Variants in DTL observed in about 807,000 individuals in gnomAD.
The protein encoded by DTL is denticleless E3 ubiquitin protein ligase adapter, also known as denticleless protein homolog.
In DTL, 46 loss-of-function variants were observed where a neutral mutation model predicts 87.0. That is an observed-to-expected ratio of 0.53 (90% CI 0.42 to 0.68). DTL has a LOEUF of 0.68. Among genes scored for constraint, DTL ranks in the 30% least tolerant of loss-of-function variants. The pLI is 0.00. For synonymous variants in DTL, 308 were observed against 311.2 expected, an observed-to-expected ratio of 0.99 and a Z score of 0.11; for missense variants, 737 against 869.4, an observed-to-expected ratio of 0.85 and a Z score of 1.91.
rs1410871232 is a variant in DTL at position 212,100,243 on chromosome 1, C to G, written c.1262-9C>G. ...CTTCTGATCTTCATGATCCTCTCCTCTTTTTCAGTAACAGTAACGAGTAGC... is the reference window on the plus strand; with the variant it reads ...CTTCTGATCTTCATGATCCTCTCCTGTTTTTCAGTAACAGTAACGAGTAGC... On this transcript the variant is annotated splice_polypyrimidine_tract_variant and intron_variant, in intron 13 of 14. Coordinates refer to ENST00000366991, the MANE Select transcript of DTL (RefSeq NM_016448.4). 1 of 1,522,260 alleles carries G rather than the reference C, an allele frequency of 6.6e-7. No individual in the cohort carries two copies. Among genetic ancestry groups the G allele is most frequent in the East Asian group, 2.3e-5 (1 of 44,224 alleles). The allele number at this position is 1,522,260 out of a possible 1,614,324, so 94.3% of individuals were successfully genotyped here.
At chr1:212,055,992 T>A (rs994309123) in intron 5 of DTL, among the ~76,000 whole-genome samples, 8 of 152,200 alleles carry the variant, frequency 5.3e-5, no homozygotes. Context: ...CCTGCAAGTC[T>A]AGGGACTGGC....
intron 5 of DTL, among the ~76,000 whole-genome samples, chr1:212,053,414 A>G (rs1310618949): frequency 6.6e-6 from 1 of 152,072 alleles, no homozygotes; most frequent in Admixed American, 6.5e-5. Flanking sequence ...GTTGGTCTTG[A>G]ACTTCTGGGC....
intron 13 of DTL, among the ~76,000 whole-genome samples, chr1:212,089,238 A>T (rs770218011): frequency 1.3e-5 from 2 of 152,236 alleles, no homozygotes; most frequent in African/African-American, 2.4e-5. Context: ...GAGTTAGTCC[A>T]CTTAAGTAGA....
At position 212,100,571 on chromosome 1, in the gene DTL, G is replaced by C; in HGVS notation, c.1581G>C (p.Pro527=). Residue 527 remains proline (P), a synonymous_variant, in exon 14 of 15, where the codon CCG becomes CCC. Coordinates refer to ENST00000366991, the MANE Select transcript of DTL (RefSeq NM_016448.4). ...PPASETKIMS[P]RKALIPVSQK... ...CTTCGGAGACCAAGATCATGTCTCC[G>C]AGAAAAGCCCTTATTCCTGTGAGCC... 1 of 1,614,010 alleles carries C rather than the reference G, an allele frequency of 6.2e-7. No individual in the cohort carries two copies. The highest frequency in any genetic ancestry group is 8.5e-7 in the Non-Finnish European group (1 of 1,179,998).
rs1654491244 is a variant in DTL, at chr1:212,066,134, T to C, written c.640-678T>C. Among the ~76,000 whole-genome samples the C allele has an allele frequency of 2.0e-5, 3 of 152,312 alleles. No individual in the cohort carries two copies. The South Asian group carries it at 6.2e-4, about 32-fold the overall frequency. On this transcript the variant is annotated intron_variant, in intron 7 of 14. Transcript: ENST00000366991. ...CTTTTTCTTTAAAAAATTGCCCTTT[T>C]TCTCACTTTAATGTAATTTTTTTTT...
chr1:212,057,951 G>A (rs1414017830), intron 5 of DTL, among the ~76,000 whole-genome samples: 1 of 152,108 alleles, frequency 6.6e-6, no homozygotes, highest in Non-Finnish European at 1.5e-5. Flanking sequence ...AGATAAAACA[G>A]ACTTTATGTC....
intron 1 of DTL, among the ~76,000 whole-genome samples, chr1:212,042,774 C>T (rs1354903769): frequency 6.6e-6 from 1 of 152,108 alleles, no homozygotes; most frequent in African/African-American, 2.4e-5. Context: ...ATAGTAAGCC[C>T]AAAGCTATAC....
intron 5 of DTL, among the ~76,000 whole-genome samples, chr1:212,051,329 A>C (rs115898070): frequency 8.7e-4 from 132 of 150,996 alleles, no homozygotes; most frequent in Non-Finnish European, 1.3e-3. Context: ...AACGTATTTA[A>C]CTTTTCTTAT....
At chr1:212,078,070 G>T in intron 11 of DTL, 103 bp from the exon 12 acceptor site, 1 of 620,152 alleles carries the variant, frequency 1.6e-6, no homozygotes, top group South Asian at 2.4e-5. Context: ...GTGGCCTTTG[G>T]TAACAATCCT....
intron 13 of DTL, among the ~76,000 whole-genome samples, chr1:212,091,198 A>T (rs1483713441): frequency 6.6e-6 from 1 of 152,242 alleles, no homozygotes; most frequent in African/African-American, 2.4e-5. Flanking sequence ...GGTATATGAA[A>T]AACTGCTCAG....
chr1:212,045,564 A>G (rs1338520009), intron 3 of DTL, among the ~76,000 whole-genome samples: 2 of 152,244 alleles, frequency 1.3e-5, no homozygotes, highest in Non-Finnish European at 2.9e-5. Context: ...AACAAAGACT[A>G]TAAATGATGT....
intron 11 of DTL, among the ~76,000 whole-genome samples, chr1:212,077,424 C>A (rs542915867): frequency 6.6e-6 from 1 of 152,082 alleles, no homozygotes; most frequent in Non-Finnish European, 1.5e-5. Context: ...TATTAAAATG[C>A]GAGTGACACT....
chr1:212,040,319 A>G (rs1667597773), intron 1 of DTL, among the ~76,000 whole-genome samples: 1 of 152,254 alleles, frequency 6.6e-6, no homozygotes, highest in Admixed American at 6.5e-5. Flanking sequence ...TACATGGCAT[A>G]TGACTGTATA....
chr1:212,083,670 T>C (rs1218613515), intron 13 of DTL, among the ~76,000 whole-genome samples: 1 of 152,138 alleles, frequency 6.6e-6, no homozygotes, highest in Non-Finnish European at 1.5e-5. Context: ...GGAAAGATCA[T>C]GTACATAGAT....
rs367714703 is a variant in DTL at position 212,097,056 on chromosome 1, TTCTC to T, written c.1262-3193_1262-3190del. 4.8e-3 allele frequency among the ~76,000 whole-genome samples: 731 copies of T among 152,344 alleles called. 7 individuals are homozygous for T. Among genetic ancestry groups the T allele is most frequent in the African/African-American group, 0.017 (695 of 41,582 alleles). On this transcript the variant is annotated intron_variant, in intron 13 of 14. Transcript: ENST00000366991. Reference sequence around the variant, plus strand: ...ACTATGCTGGCTTGGTAGTGGCAAATTCTCTCAGCGTTTGAAAAAGACTTTCATC... The same window carrying T: ...ACTATGCTGGCTTGGTAGTGGCAAATTCAGCGTTTGAAAAAGACTTTCATC...
intron 1 of DTL, among the ~76,000 whole-genome samples, chr1:212,042,100 G>T (rs1052166839): frequency 6.6e-6 from 1 of 152,164 alleles, no homozygotes; most frequent in African/African-American, 2.4e-5. Flanking sequence ...TGTAAACTCA[G>T]TGTTTCCTCC....
At chr1:212,051,424 T>C in intron 5 of DTL, 1 of 480,862 alleles carries the variant, frequency 2.1e-6, no homozygotes, top group Non-Finnish European at 3.6e-6. Flanking sequence ...GAAGGACATT[T>C]TTGTTGGATA....
intron 1 of DTL, 64 bp from the exon 2 acceptor site, chr1:212,042,929 A>G: frequency 2.0e-6 from 3 of 1,476,516 alleles, no homozygotes; most frequent in Non-Finnish European, 1.8e-6. Flanking sequence ...TTACCTCTGA[A>G]TTTGTTAAAA....
intron 1 of DTL, among the ~76,000 whole-genome samples, chr1:212,037,644 T>C (rs1402709994): frequency 6.6e-6 from 1 of 152,256 alleles, no homozygotes; most frequent in East Asian, 1.9e-4. Context: ...AAAGTACTTT[T>C]AATATTAAAT....
Sources: gnomAD v4.1 joint callset for allele counts (sites outside exome capture counted in the v4.1 genomes callset) on GRCh38, gnomAD v4.1.1 for gene constraint, MANE v1.5 for transcripts, NCBI Gene and HGNC (gene_info 2026-07-23, HGNC 2026-07-21) for gene names.